The following IQCJ variants were observed in gnomAD, a reference collection of about 807,000 sequenced individuals.
The protein encoded by IQCJ is IQ motif containing J, also known as IQ domain-containing protein J.
A neutral mutation model predicts 11.0 loss-of-function variants in IQCJ; 9 were observed. The ratio of observed to expected loss-of-function variants is 0.82; its 90% CI spans 0.49 to 1.43. IQCJ has a LOEUF of 1.43. IQCJ is among the 40% of genes most tolerant of loss of function. The pLI, the probability that IQCJ is intolerant of heterozygous loss-of-function variation, is 0.00. For missense variants in IQCJ, 146 were observed against 133.2 expected (o/e 1.10, Z -0.47); for synonymous variants, 55 against 51.3 (o/e 1.07, Z -0.31).
chr3:159,252,936 C>T (rs1727688217), intron 3 of IQCJ, 129 bp downstream of exon 3: 1 of 870,042 alleles, frequency 1.1e-6, no homozygotes, highest in Non-Finnish European at 1.8e-6. Flanking sequence ...ATTATTTCCT[C>T]CCTCTTCTAA....
At chr3:159,150,263 T>G (rs570673779) in intron 1 of IQCJ, among the ~76,000 whole-genome samples, 1 of 152,126 alleles carries the variant, frequency 6.6e-6, no homozygotes, top group Admixed American at 6.5e-5. Flanking sequence ...GAAAGTATAT[T>G]GTATCATAAG....
rs774209579 is a variant in IQCJ, at chr3:159,222,362, A to G, written c.10-23481A>G. Among the ~76,000 whole-genome samples, 3 of 152,326 alleles carry G rather than the reference A, an allele frequency of 2.0e-5. No individual in the cohort carries two copies. In the East Asian group the frequency reaches 5.8e-4, roughly 29 times the overall value. ...CATTTGTGACAAATTACAAGGAGATATTGCCATTTGTGACACTATGGATGA... is the reference window on the plus strand; with the variant it reads ...CATTTGTGACAAATTACAAGGAGATGTTGCCATTTGTGACACTATGGATGA... On this transcript the variant is annotated intron_variant, in intron 1 of 3. Transcript: ENST00000397832.
intron 1 of IQCJ, among the ~76,000 whole-genome samples, chr3:159,072,758 G>A (rs1715659964): frequency 6.6e-6 from 1 of 151,924 alleles, no homozygotes; most frequent in Non-Finnish European, 1.5e-5. Flanking sequence ...CATTCTACTG[G>A]TGAAGAAACT....
In IQCJ at chr3:159,109,970, T is replaced by A. The variant is rs546321996; in HGVS notation, c.9+40529T>A. ...CTCCTAACTTTTGTGACATTGGAGG[T>A]TTTACTATATTTAATAGTCACACAG... On this transcript the variant is annotated intron_variant, in intron 1 of 3. Coordinates refer to ENST00000397832, the MANE Select transcript of IQCJ (RefSeq NM_001042706.3). Among the ~76,000 whole-genome samples, 43 of 152,318 alleles carry A rather than the reference T, an allele frequency of 2.8e-4. No individual in the cohort carries two copies. In the South Asian group the frequency reaches 8.3e-3, roughly 29 times the overall value.
At chr3:159,196,770 A>G (rs376372751) in intron 1 of IQCJ, among the ~76,000 whole-genome samples, 41 of 152,202 alleles carry the variant, frequency 2.7e-4, no homozygotes, top group Non-Finnish European at 5.7e-4. Flanking sequence ...AGGCACTGAG[A>G]TGTTATGTAA....
rs1722829741 is a variant in IQCJ, at chr3:159,176,955, A to G, written c.10-68888A>G. Among the ~76,000 whole-genome samples, 5 of 152,216 alleles carry G rather than the reference A, an allele frequency of 3.3e-5. No individual in the cohort carries two copies. In the South Asian group the frequency reaches 1.0e-3, roughly 32 times the overall value. On this transcript the variant is annotated intron_variant, in intron 1 of 3. Coordinates refer to ENST00000397832, the MANE Select transcript of IQCJ (RefSeq NM_001042706.3). ...ACTGTGTGGCCAGGAGAATATAAAA[A>G]GCTAATTTCATCTTTGAAGATTTCC...
At chr3:159,231,384 C>T (rs1726237583) in intron 1 of IQCJ, among the ~76,000 whole-genome samples, 1 of 152,178 alleles carries the variant, frequency 6.6e-6, no homozygotes, top group African/African-American at 2.4e-5. Context: ...TTCTTCCCCC[C>T]ACATCTAATC....
In IQCJ at chr3:159,242,753, G is replaced by T. The variant is rs117486447; in HGVS notation, c.10-3090G>T. On this transcript the variant is annotated intron_variant, in intron 1 of 3. Coordinates refer to ENST00000397832, the MANE Select transcript of IQCJ (RefSeq NM_001042706.3). ...ATACATTTTCTAAGAGAAAATATAG[G>T]AGACTATATTTGGGGGCAGGAAAAT... Among the ~76,000 whole-genome samples the T allele has an allele frequency of 2.0e-4, 31 of 151,922 alleles. No individual in the cohort carries two copies. In the East Asian group the frequency reaches 4.9e-3, roughly 24 times the overall value.
chr3:159,183,846 T>G (rs1166002169), intron 1 of IQCJ, among the ~76,000 whole-genome samples: 1 of 152,090 alleles, frequency 6.6e-6, no homozygotes, highest in Admixed American at 6.6e-5. Flanking sequence ...CACTATCCCC[T>G]GCCATTAGCT....
At chr3:159,229,105 T>G (rs534357418) in intron 1 of IQCJ, among the ~76,000 whole-genome samples, 11 of 152,194 alleles carry the variant, frequency 7.2e-5, no homozygotes, top group Non-Finnish European at 1.5e-4. Context: ...CTGCCTGCCT[T>G]GTCTCTGTCT....
At chr3:159,072,383 G>T (rs1383047592) in intron 1 of IQCJ, among the ~76,000 whole-genome samples, 1 of 151,958 alleles carries the variant, frequency 6.6e-6, no homozygotes, top group African/African-American at 2.4e-5. Flanking sequence ...ATTTGGAGTG[G>T]ATGGAAAAGA....
At chr3:159,193,388 C>A (rs929854884) in intron 1 of IQCJ, among the ~76,000 whole-genome samples, 5 of 152,280 alleles carry the variant, frequency 3.3e-5, no homozygotes, top group African/African-American at 1.2e-4. Context: ...AGGGAGTCTT[C>A]CAAAGGTCAG....
intron 1 of IQCJ, among the ~76,000 whole-genome samples, chr3:159,087,595 A>G (rs9755073): frequency 6.8e-6 from 1 of 146,000 alleles, no homozygotes; most frequent in Non-Finnish European, 1.5e-5. Context: ...ACAATTTCAG[A>G]TCCTGTTATT....
intron 1 of IQCJ, among the ~76,000 whole-genome samples, chr3:159,165,354 G>A (rs1274632771): frequency 6.6e-6 from 1 of 152,180 alleles, no homozygotes; most frequent in Admixed American, 6.5e-5. Flanking sequence ...AGGGTCTTCT[G>A]AATACAAATG....
chr3:159,114,928 C>T (rs1404982130), intron 1 of IQCJ, among the ~76,000 whole-genome samples: 2 of 152,202 alleles, frequency 1.3e-5, no homozygotes, highest in East Asian at 1.9e-4. Context: ...CCCCTGCCCC[C>T]GGGGCTAGTG....
At chr3:159,090,753 G>GAGCTGGGACTC (rs1283193818) in intron 1 of IQCJ, among the ~76,000 whole-genome samples, 4 of 151,878 alleles carry the variant, frequency 2.6e-5, no homozygotes, top group Non-Finnish European at 4.4e-5. Context: ...TTGAAAGGCA[G>GAGCTGGGACTC]AGCTGGGACT....
chr3:159,221,588 T>A (rs1004020260), intron 1 of IQCJ, among the ~76,000 whole-genome samples: 1 of 152,130 alleles, frequency 6.6e-6, no homozygotes, highest in African/African-American at 2.4e-5. Context: ...CTGCTCAGCA[T>A]CTCAGAGACA....
intron 1 of IQCJ, among the ~76,000 whole-genome samples, chr3:159,196,980 C>A (rs985941483): frequency 2.0e-5 from 3 of 152,080 alleles, no homozygotes; most frequent in Admixed American, 6.5e-5. Flanking sequence ...CACCCACCCC[C>A]CAAAGATGAA....
chr3:159,241,503 G>A (rs1726922562), intron 1 of IQCJ, among the ~76,000 whole-genome samples: 1 of 152,188 alleles, frequency 6.6e-6, no homozygotes, highest in South Asian at 2.1e-4. Context: ...GTTTGAAACA[G>A]ATGTTCACAG....
Sources: gnomAD v4.1 joint callset for allele counts (sites outside exome capture counted in the v4.1 genomes callset) on GRCh38, gnomAD v4.1.1 for gene constraint, MANE v1.5 for transcripts, NCBI Gene and HGNC (gene_info 2026-07-23, HGNC 2026-07-21) for gene names.